Variants in WWOX observed in about 807,000 individuals in gnomAD.
WWOX encodes the protein WW domain containing oxidoreductase, also known as WW domain-containing oxidoreductase.
In WWOX, 69 loss-of-function variants were observed where a neutral mutation model predicts 46.2. The ratio of observed to expected loss-of-function variants is 1.49; its 90% confidence interval spans 1.23 to 1.82. The LOEUF is 1.82. WWOX is among the 40% of genes most tolerant of loss of function. The pLI is 0.00. For missense variants in WWOX, 919 were observed against 542.6 expected, an observed-to-expected ratio of 1.69 and a Z score of -6.89; for synonymous variants, 359 against 202.6, an observed-to-expected ratio of 1.77 and a Z score of -6.56.
At chr16:79,081,822 G>C (rs891274433) in intron 8 of WWOX, among the ~76,000 whole-genome samples, 8 of 152,074 alleles carry the variant, frequency 5.3e-5, no homozygotes, top group Non-Finnish European at 8.8e-5. Flanking sequence ...TGTCGTGCTT[G>C]AGTGACAAAG....
intron 8 of WWOX, among the ~76,000 whole-genome samples, chr16:78,701,932 C>T (rs933542827): frequency 2.0e-5 from 3 of 148,094 alleles, no homozygotes; most frequent in Non-Finnish European, 4.5e-5. Context: ...TACCTGTAAT[C>T]CCAGAACACT....
At chr16:78,702,853 C>T (rs995481554) in intron 8 of WWOX, among the ~76,000 whole-genome samples, 4 of 152,058 alleles carry the variant, frequency 2.6e-5, no homozygotes, top group Admixed American at 2.0e-4. Context: ...TGTCCTTTTC[C>T]ACCATTGTTA....
intron 8 of WWOX, among the ~76,000 whole-genome samples, chr16:78,903,791 C>T (rs944307943): frequency 2.0e-5 from 3 of 152,148 alleles, no homozygotes; most frequent in Admixed American, 6.5e-5. Context: ...CTTTCTAGCT[C>T]AATCATGCTG....
chr16:78,164,721 G>C (rs1386271883), intron 5 of WWOX, among the ~76,000 whole-genome samples: 1 of 152,158 alleles, frequency 6.6e-6, no homozygotes, highest in African/African-American at 2.4e-5. Flanking sequence ...TATTTACTAA[G>C]GGCTTGCCTT....
intron 4 of WWOX, among the ~76,000 whole-genome samples, chr16:78,144,446 TACACATATATATATATACACAC>T (rs1374069843): frequency 0.032 from 314 of 9,934 alleles, 47 homozygotes; most frequent in East Asian, 0.14. Flanking sequence ...TATATATATA[TACACATATATATATATACACAC>T]ATATATATAT....
intron 8 of WWOX, among the ~76,000 whole-genome samples, chr16:78,925,074 A>C (rs1208790439): frequency 6.6e-6 from 1 of 152,186 alleles, no homozygotes; most frequent in Non-Finnish European, 1.5e-5. Context: ...GTGTGCCTGT[A>C]GTCCCAGTTA....
intron 8 of WWOX, among the ~76,000 whole-genome samples, chr16:78,907,388 T>C (rs1034091028): frequency 5.9e-5 from 9 of 152,236 alleles, no homozygotes; most frequent in Admixed American, 4.6e-4. Context: ...TTGTAACCTC[T>C]GGAATAATGG....
At position 78,911,802 on chromosome 16, in the gene WWOX, G is replaced by A. The variant is rs145033343; in HGVS notation, c.1057-299806G>A. ...AATCACTTGAACCCGGGAAGCGGAG[G>A]TTGCAGGGAGCTGAGATCACGCTGA... On this transcript the variant is annotated intron_variant, in intron 8 of 8. Transcript: ENST00000566780. 1.5e-3 allele frequency among the ~76,000 whole-genome samples: 232 copies of A among 152,160 alleles called. 1 individual carries two copies. The highest frequency in any genetic ancestry group is 5.1e-3 in the African/African-American group (211 of 41,560).
intron 8 of WWOX, among the ~76,000 whole-genome samples, chr16:78,557,256 C>G (rs775993898): frequency 6.6e-6 from 1 of 152,104 alleles, no homozygotes; most frequent in Non-Finnish European, 1.5e-5. Context: ...AGACCTGATT[C>G]TACCTATCTA....
intron 8 of WWOX, among the ~76,000 whole-genome samples, chr16:78,892,593 T>G (rs1433628668): frequency 2.0e-5 from 3 of 152,190 alleles, no homozygotes; most frequent in African/African-American, 7.2e-5. Flanking sequence ...AGCTCCACTT[T>G]TACCTGTGTT....
At chr16:78,586,112 T>A (rs577202998) in intron 8 of WWOX, among the ~76,000 whole-genome samples, 1 of 151,996 alleles carries the variant, frequency 6.6e-6, no homozygotes, top group South Asian at 2.1e-4. Context: ...ATCCCAACAC[T>A]TTGGGAGGCT....
chr16:78,408,167 C>A (rs116883921), intron 6 of WWOX, among the ~76,000 whole-genome samples: 1 of 152,130 alleles, frequency 6.6e-6, no homozygotes. Context: ...ATCCTCGGAC[C>A]AGATTGAGAA....
At chr16:78,728,291 A>C (rs2048885204) in intron 8 of WWOX, among the ~76,000 whole-genome samples, 2 of 151,826 alleles carry the variant, frequency 1.3e-5, no homozygotes, top group African/African-American at 4.8e-5. Flanking sequence ...TCTCAAACTG[A>C]ACTCCTGAGC....
chr16:78,129,629 G>A (rs1381373125), intron 4 of WWOX, among the ~76,000 whole-genome samples: 2 of 151,960 alleles, frequency 1.3e-5, no homozygotes, highest in African/African-American at 2.4e-5. Context: ...AGAACTGGTT[G>A]GTGGCCTGGA....
At chr16:78,534,103 G>T (rs1250947310) in intron 8 of WWOX, among the ~76,000 whole-genome samples, 1 of 152,154 alleles carries the variant, frequency 6.6e-6, no homozygotes, top group Non-Finnish European at 1.5e-5. Context: ...TTGAATCCCT[G>T]AGTTATAGAA....
At chr16:78,364,109 G>A (rs1017031079) in intron 5 of WWOX, among the ~76,000 whole-genome samples, 1 of 152,176 alleles carries the variant, frequency 6.6e-6, no homozygotes, top group Non-Finnish European at 1.5e-5. Flanking sequence ...TGCCCTTCCT[G>A]GCCTGTGGAT....
At chr16:78,418,522 C>G (rs1450299179) in intron 6 of WWOX, among the ~76,000 whole-genome samples, 1 of 152,104 alleles carries the variant, frequency 6.6e-6, no homozygotes, top group Admixed American at 6.5e-5. Flanking sequence ...CTTTAGGTCA[C>G]TTTCACTTAT....
chr16:78,382,840 TGTTA>T (rs2081984048), intron 5 of WWOX, among the ~76,000 whole-genome samples: 3 of 152,124 alleles, frequency 2.0e-5, no homozygotes, highest in Admixed American at 6.5e-5. Context: ...TCTCAAGTTG[TGTTA>T]GTTCCTTCTC....
chr16:78,915,427 T>C (rs2045225243), intron 8 of WWOX, among the ~76,000 whole-genome samples: 1 of 152,188 alleles, frequency 6.6e-6, no homozygotes, highest in East Asian at 1.9e-4. Flanking sequence ...CAATCATAAA[T>C]GTAAATCGAC....
Sources: gnomAD v4.1 joint callset for allele counts (sites outside exome capture counted in the v4.1 genomes callset) on GRCh38, gnomAD v4.1.1 for gene constraint, MANE v1.5 for transcripts, NCBI Gene and HGNC (gene_info 2026-07-23, HGNC 2026-07-21) for gene names.